GABRG3: variants seen among roughly 807,000 people sequenced by gnomAD.
GABRG3 encodes the protein gamma-aminobutyric acid type A receptor subunit gamma3.
GABRG3 carries 25 observed loss-of-function variants against 48.8 expected under a neutral mutation model. The ratio of observed to expected loss-of-function variants is 0.51; its 90% CI spans 0.37 to 0.72. GABRG3 has a LOEUF of 0.72. Ranked by LOEUF, GABRG3 falls within the 30% of genes least tolerant of loss-of-function variation. GABRG3 has a pLI of 0.00. For missense variants in GABRG3, 394 were observed against 577.9 expected, an observed-to-expected ratio of 0.68 and a Z score of 3.26; for synonymous variants, 227 against 217.6, an observed-to-expected ratio of 1.04 and a Z score of -0.38.
At chr15:27,358,488 T>A (rs1302000119) in intron 5 of GABRG3, among the ~76,000 whole-genome samples, 1 of 151,974 alleles carries the variant, frequency 6.6e-6, no homozygotes, top group African/African-American at 2.4e-5. Flanking sequence ...GAAGGGCTGG[T>A]GGCATGGTCA....
chr15:27,493,858 C>T (rs1890417359), intron 6 of GABRG3, among the ~76,000 whole-genome samples: 1 of 152,090 alleles, frequency 6.6e-6, no homozygotes, highest in South Asian at 2.1e-4. Context: ...GAACACATAC[C>T]ATGGGGAACC....
At chr15:27,034,616 A>G (rs911269145) in intron 3 of GABRG3, among the ~76,000 whole-genome samples, 1 of 152,162 alleles carries the variant, frequency 6.6e-6, no homozygotes, top group African/African-American at 2.4e-5. Context: ...CAAGAACAAA[A>G]AAGAAGATGA....
rs1016666407 is a variant in GABRG3, at chr15:27,219,610, G to A, written c.271-107199G>A. ...ACCCTCCTTAGTCCTCCCCACCTGT[G>A]CCCAGCACCTCTGTGCCCACCAGGC... On this transcript the variant is annotated intron_variant, in intron 3 of 9. Coordinates refer to ENST00000615808, the MANE Select transcript of GABRG3 (RefSeq NM_033223.5). Among the ~76,000 whole-genome samples, 5 of 152,096 alleles carry A rather than the reference G, an allele frequency of 3.3e-5. No homozygotes were observed. In the East Asian group the frequency reaches 7.7e-4, roughly 24 times the overall value.
intron 3 of GABRG3, among the ~76,000 whole-genome samples, chr15:27,324,186 A>C (rs1893527056): frequency 1.3e-5 from 2 of 152,180 alleles, no homozygotes; most frequent in East Asian, 3.9e-4. Context: ...CAAAAGGTCA[A>C]CCTTGTTCCG....
At chr15:27,297,217 A>C (rs1892022793) in intron 3 of GABRG3, among the ~76,000 whole-genome samples, 1 of 152,198 alleles carries the variant, frequency 6.6e-6, no homozygotes, top group South Asian at 2.1e-4. Context: ...AAGTCAAAAG[A>C]AAGTTTATAA....
chr15:27,142,651 C>G (rs947249822), intron 3 of GABRG3, among the ~76,000 whole-genome samples: 1 of 152,038 alleles, frequency 6.6e-6, no homozygotes, highest in African/African-American at 2.4e-5. Flanking sequence ...TGACTTTTCC[C>G]CTTGGTCAAA....
intron 5 of GABRG3, among the ~76,000 whole-genome samples, chr15:27,401,124 A>C (rs1186966229): frequency 6.6e-6 from 1 of 152,218 alleles, no homozygotes; most frequent in Non-Finnish European, 1.5e-5. Flanking sequence ...ATCGTATTAC[A>C]ATGATTGCAG....
intron 5 of GABRG3, among the ~76,000 whole-genome samples, chr15:27,430,037 A>G (rs773398827): frequency 1.3e-5 from 2 of 152,096 alleles, no homozygotes; most frequent in Non-Finnish European, 2.9e-5. Flanking sequence ...GGGGGTTTCA[A>G]TTTCTCCACA....
intron 5 of GABRG3, among the ~76,000 whole-genome samples, chr15:27,338,730 A>G (rs1394762705): frequency 1.3e-5 from 2 of 152,210 alleles, no homozygotes; most frequent in African/African-American, 4.8e-5. Flanking sequence ...TGTTGCTATC[A>G]GGCTTTGCAA....
intron 5 of GABRG3, among the ~76,000 whole-genome samples, chr15:27,408,329 G>A (rs910090119): frequency 6.6e-6 from 1 of 152,106 alleles, no homozygotes; most frequent in Admixed American, 6.6e-5. Flanking sequence ...TTGAATATTA[G>A]TGATACATAT....
intron 6 of GABRG3, among the ~76,000 whole-genome samples, chr15:27,483,645 C>T (rs1207240271): frequency 3.9e-5 from 6 of 152,164 alleles, no homozygotes; most frequent in Admixed American, 1.3e-4. Context: ...CAGGTGTCAG[C>T]GTTCCCCCTC....
At chr15:27,184,979 C>A (rs1471127517) in intron 3 of GABRG3, among the ~76,000 whole-genome samples, 4 of 152,012 alleles carry the variant, frequency 2.6e-5, no homozygotes, top group Non-Finnish European at 5.9e-5. Context: ...ATTTGAAGAA[C>A]CAGCATTTTG....
chr15:27,436,375 A>G (rs34413436), intron 5 of GABRG3, among the ~76,000 whole-genome samples: 15,611 of 152,218 alleles, frequency 0.1, 1,134 homozygotes, highest in East Asian at 0.32. Context: ...TTCGGATTTG[A>G]GCACATGAAT....
intron 3 of GABRG3, among the ~76,000 whole-genome samples, chr15:27,162,517 T>G (rs1467538436): frequency 6.6e-6 from 1 of 152,136 alleles, no homozygotes; most frequent in Non-Finnish European, 1.5e-5. Flanking sequence ...GGCACTTTTT[T>G]GACTTGGTAG....
intron 3 of GABRG3, among the ~76,000 whole-genome samples, chr15:27,154,702 ATTATTTTTATATG>A (rs1898385975): frequency 6.6e-6 from 1 of 152,148 alleles, no homozygotes; most frequent in African/African-American, 2.4e-5. Context: ...ATTGTATATA[ATTATTTTTATATG>A]TTCCTGAATT....
chr15:27,111,197 C>G (rs1443143893), intron 3 of GABRG3, among the ~76,000 whole-genome samples: 2 of 152,130 alleles, frequency 1.3e-5, no homozygotes, highest in Non-Finnish European at 2.9e-5. Flanking sequence ...TTTTCAGAAG[C>G]ATTCTTCATT....
chr15:27,396,765 CTG>C (rs1401835446), intron 5 of GABRG3, among the ~76,000 whole-genome samples: 1 of 152,136 alleles, frequency 6.6e-6, no homozygotes, highest in African/African-American at 2.4e-5. Flanking sequence ...GATAAACAAA[CTG>C]CTGTACATCC....
intron 9 of GABRG3, chr15:27,530,704 C>G: frequency 2.1e-6 from 1 of 471,052 alleles, no homozygotes; most frequent in Non-Finnish European, 4.4e-6. Flanking sequence ...CTTCTGCCTC[C>G]CCGTCTAAGT....
At chr15:27,302,229 T>G (rs1892234832) in intron 3 of GABRG3, among the ~76,000 whole-genome samples, 1 of 152,114 alleles carries the variant, frequency 6.6e-6, no homozygotes, top group African/African-American at 2.4e-5. Flanking sequence ...TCTCCATGTA[T>G]GTATAAGACA....
Sources: gnomAD v4.1 joint callset for allele counts (sites outside exome capture counted in the v4.1 genomes callset) on GRCh38, gnomAD v4.1.1 for gene constraint, MANE v1.5 for transcripts, NCBI Gene and HGNC (gene_info 2026-07-23, HGNC 2026-07-21) for gene names.